STOX2: variants seen among roughly 807,000 people sequenced by gnomAD.
STOX2 encodes the protein storkhead box 2.
In STOX2, 28 loss-of-function variants were observed where a neutral mutation model predicts 60.9. That is an observed-to-expected ratio of 0.46 (90% CI 0.34 to 0.63). The LOEUF (loss-of-function observed/expected upper bound fraction) is 0.63. Ranked by LOEUF, STOX2 falls within the 30% of genes least tolerant of loss-of-function variation. The probability of loss-of-function intolerance (pLI) is 0.01; values close to 1 mark genes in which losing one functional copy is unlikely to be tolerated. For missense variants in STOX2, 1,024 were observed against 1,187.7 expected (o/e 0.86, Z 2.03); for synonymous variants, 472 against 463.9 (o/e 1.02, Z -0.22).
At chr4:183,899,251 G>C (rs1031654235) in intron 1 of STOX2, among the ~76,000 whole-genome samples, 1 of 152,074 alleles carries the variant, frequency 6.6e-6, no homozygotes, top group Admixed American at 6.6e-5. Context: ...ATTGAAACTA[G>C]GCCAATTAAT....
At chr4:183,859,297 C>T (rs928969967) in intron 1 of STOX2, among the ~76,000 whole-genome samples, 4 of 152,182 alleles carry the variant, frequency 2.6e-5, no homozygotes, top group Non-Finnish European at 5.9e-5. Context: ...AACTCCAGCT[C>T]CTACCGCAGT....
At chr4:183,964,233 T>C (rs768801275) in intron 1 of STOX2, among the ~76,000 whole-genome samples, 13 of 152,218 alleles carry the variant, frequency 8.5e-5, no homozygotes, top group Non-Finnish European at 2.9e-5. Context: ...GTTCTTCCGA[T>C]GGGGTGCTGA....
chr4:183,800,344 C>G (rs897101745), intron 1 of STOX2, among the ~76,000 whole-genome samples: 1 of 152,042 alleles, frequency 6.6e-6, no homozygotes, highest in Non-Finnish European at 1.5e-5. Flanking sequence ...TATGGGGGAT[C>G]CTGGCTGAAA....
intron 1 of STOX2, among the ~76,000 whole-genome samples, chr4:183,963,895 C>T (rs1196841332): frequency 6.6e-6 from 1 of 151,858 alleles, no homozygotes; most frequent in Non-Finnish European, 1.5e-5. Context: ...CCTGCCTCAG[C>T]CTCCCTAGTA....
intron 1 of STOX2, among the ~76,000 whole-genome samples, chr4:183,916,267 G>A (rs1434164639): frequency 6.6e-6 from 1 of 152,198 alleles, no homozygotes; most frequent in Non-Finnish European, 1.5e-5. Context: ...TATGTTTCAA[G>A]CCTGGGTCTC....
At chr4:183,875,798 G>A (rs1305584952) in intron 1 of STOX2, among the ~76,000 whole-genome samples, 2 of 152,204 alleles carry the variant, frequency 1.3e-5, no homozygotes, top group East Asian at 1.9e-4. Flanking sequence ...GCCCACTGCA[G>A]CCTTGACCGC....
chr4:183,851,333 G>C (rs866305517), intron 1 of STOX2, among the ~76,000 whole-genome samples: 48 of 87,340 alleles, frequency 5.5e-4, no homozygotes, highest in African/African-American at 1.9e-3. Context: ...ATGAGGGAAA[G>C]GATGAGGGAA....
chr4:183,817,133 C>T (rs1445768658), intron 1 of STOX2, among the ~76,000 whole-genome samples: 1 of 152,212 alleles, frequency 6.6e-6, no homozygotes, highest in East Asian at 1.9e-4. Context: ...ACCACTAAAG[C>T]TTTGAAATGG....
intron 1 of STOX2, among the ~76,000 whole-genome samples, chr4:183,863,584 T>G (rs2111156873): frequency 6.6e-6 from 1 of 152,304 alleles, no homozygotes; most frequent in East Asian, 1.9e-4. Context: ...TTTGAACTCA[T>G]AGTGTTTCCA....
intron 1 of STOX2, among the ~76,000 whole-genome samples, chr4:183,850,549 T>C (rs1044736549): frequency 2.0e-5 from 3 of 151,764 alleles, no homozygotes; most frequent in African/African-American, 7.3e-5. Context: ...ACCAACATGG[T>C]GAAACCCCGT....
At chr4:183,963,557 G>A (rs1467688205) in intron 1 of STOX2, among the ~76,000 whole-genome samples, 1 of 151,628 alleles carries the variant, frequency 6.6e-6, no homozygotes, top group Admixed American at 6.6e-5. Context: ...CTCCTGAGTA[G>A]CTGGGATTAT....
chr4:183,951,168 T>A (rs530276189), intron 1 of STOX2, among the ~76,000 whole-genome samples: 6 of 145,790 alleles, frequency 4.1e-5, no homozygotes, highest in African/African-American at 1.5e-4. Flanking sequence ...TGAGCCGAGA[T>A]CGCGCCACTG....
chr4:183,906,722 G>C lies in STOX2; in HGVS notation c.-69G>C. The C allele has an allele frequency of 1.4e-6, 2 of 1,424,984 alleles. No individual in the cohort carries two copies. The highest frequency in any genetic ancestry group is 1.9e-6 in the Non-Finnish European group (2 of 1,076,892). The allele number at this position is 1,424,984 out of a possible 1,614,324, so 88.3% of individuals were successfully genotyped here. The stretch of plus-strand genomic sequence containing the variant: ...GCCCGGGTCGTGCCCGCCGTAGACG[G>C]ATGAAGGAGCGCGCTGCGCCCCGGC... On this transcript the variant is annotated 5_prime_UTR_variant, in exon 1 of 4. Coordinates refer to ENST00000308497, the MANE Select transcript of STOX2 (RefSeq NM_020225.3).
At chr4:183,800,000 C>G (rs1412845010) in intron 1 of STOX2, among the ~76,000 whole-genome samples, 2 of 152,064 alleles carry the variant, frequency 1.3e-5, no homozygotes, top group African/African-American at 4.8e-5. Context: ...GCCCAAGCAT[C>G]AGATAAAAGA....
At chr4:183,871,353 C>G (rs1409139626) in intron 1 of STOX2, among the ~76,000 whole-genome samples, 1 of 152,204 alleles carries the variant, frequency 6.6e-6, no homozygotes, top group East Asian at 1.9e-4. Flanking sequence ...TCAAGTCTTG[C>G]TCAACTTGAA....
rs1369391069 is a variant in STOX2, at chr4:184,020,615, T to C, written c.*3331T>C. On this transcript the variant is annotated 3_prime_UTR_variant, in exon 4 of 4. Coordinates refer to ENST00000308497, the MANE Select transcript of STOX2 (RefSeq NM_020225.3). The stretch of plus-strand genomic sequence containing the variant: ...GCTGTGCTGTGAATTCCACAACTTC[T>C]GTTAAATAATTTGTATTCCATTATA... The C allele has an allele frequency of 6.6e-6, 1 of 151,478 alleles. No homozygotes were observed. Among genetic ancestry groups the C allele is most frequent in the Non-Finnish European group, 1.5e-5 (1 of 68,014 alleles). 9.4% of individuals were successfully genotyped at this position (151,478 alleles called of 1,614,324 possible).
chr4:183,888,833 C>G (rs371993025), intron 1 of STOX2, among the ~76,000 whole-genome samples: 4 of 152,042 alleles, frequency 2.6e-5, no homozygotes, highest in Admixed American at 2.0e-4. Flanking sequence ...TGCTCAAACC[C>G]GCAATTATGC....
chr4:184,017,037 A>T (rs1734401571), intron 3 of STOX2, 52 bp from the exon 4 acceptor site: 1 of 1,451,910 alleles, frequency 6.9e-7, no homozygotes, highest in South Asian at 1.4e-5. Flanking sequence ...GGCTCAATTT[A>T]TAATTATTTA....
chr4:183,913,581 G>T (rs1433244909), intron 1 of STOX2, among the ~76,000 whole-genome samples: 1 of 152,120 alleles, frequency 6.6e-6, no homozygotes, highest in Non-Finnish European at 1.5e-5. Flanking sequence ...GACCAGCCTG[G>T]ACAACATGGT....
Sources: gnomAD v4.1 joint callset for allele counts (sites outside exome capture counted in the v4.1 genomes callset) on GRCh38, gnomAD v4.1.1 for gene constraint, MANE v1.5 for transcripts, NCBI Gene and HGNC (gene_info 2026-07-23, HGNC 2026-07-21) for gene names.